Variants in ADAMTS12 observed in about 807,000 individuals in gnomAD.
ADAMTS12 encodes A disintegrin and metalloproteinase with thrombospondin motifs 12.
Under a neutral mutation model 167.8 loss-of-function variants are expected in ADAMTS12, and 118 were observed. That is an observed-to-expected ratio of 0.70 (90% CI 0.61 to 0.82). The LOEUF (loss-of-function observed/expected upper bound fraction) is 0.82. ADAMTS12 is among the 40% of genes least tolerant of loss of function. The pLI is 0.00. For synonymous variants in ADAMTS12, 704 were observed against 716.9 expected (o/e 0.98, Z 0.29); for missense variants, 1,916 against 1,998.8 (o/e 0.96, Z 0.79).
At chr5:33,853,638 T>C (rs113513745) in intron 2 of ADAMTS12, among the ~76,000 whole-genome samples, 1 of 152,292 alleles carries the variant, frequency 6.6e-6, no homozygotes, top group Admixed American at 6.5e-5. Context: ...CCCATCAACA[T>C]TGATTAGAGC....
chr5:33,541,422 C>T (rs464719), intron 22 of ADAMTS12, among the ~76,000 whole-genome samples: 62,390 of 151,966 alleles, frequency 0.41, 13,825 homozygotes, highest in East Asian at 0.76. Context: ...AAGATATTAT[C>T]CAGGAAAACT....
chr5:33,835,948 T>TCTCTCC (rs1748504211), intron 2 of ADAMTS12, among the ~76,000 whole-genome samples: 1 of 35,482 alleles, frequency 2.8e-5, no homozygotes, highest in African/African-American at 8.8e-5. Flanking sequence ...TCTCTCTCTC[T>TCTCTCC]CTCTCTGTGT....
intron 2 of ADAMTS12, among the ~76,000 whole-genome samples, chr5:33,795,377 C>T (rs1746735938): frequency 6.6e-6 from 1 of 152,094 alleles, no homozygotes; most frequent in African/African-American, 2.4e-5. Flanking sequence ...CACCAAATGC[C>T]CCACGATGTA....
intron 1 of ADAMTS12, among the ~76,000 whole-genome samples, chr5:33,887,722 G>A (rs990664592): frequency 2.0e-5 from 3 of 151,720 alleles, no homozygotes; most frequent in African/African-American, 7.3e-5. Flanking sequence ...CCTACTAGTT[G>A]TATACAGTTT....
At chr5:33,601,496 G>C (rs1738188293) in intron 16 of ADAMTS12, among the ~76,000 whole-genome samples, 1 of 152,080 alleles carries the variant, frequency 6.6e-6, no homozygotes, top group Non-Finnish European at 1.5e-5. Context: ...CACCTCATAA[G>C]ATCAGGGTTG....
At chr5:33,678,409 C>T (rs931508696) in intron 5 of ADAMTS12, among the ~76,000 whole-genome samples, 20 of 152,198 alleles carry the variant, frequency 1.3e-4, no homozygotes, top group African/African-American at 3.6e-4. Flanking sequence ...ATTGAGGAAA[C>T]GGTATCGATT....
chr5:33,601,713 T>C (rs191064168), intron 16 of ADAMTS12, among the ~76,000 whole-genome samples: 1 of 152,226 alleles, frequency 6.6e-6, no homozygotes, highest in Admixed American at 6.5e-5. Flanking sequence ...TAATAAGATA[T>C]TATTTTACTA....
chr5:33,688,547 C>G (rs1376426340), intron 3 of ADAMTS12, among the ~76,000 whole-genome samples: 2 of 152,176 alleles, frequency 1.3e-5, no homozygotes, highest in Admixed American at 1.3e-4. Flanking sequence ...AGGGATTTTG[C>G]AGATGGCAGA....
chr5:33,785,464 C>T (rs988707591), intron 2 of ADAMTS12, among the ~76,000 whole-genome samples: 10 of 151,856 alleles, frequency 6.6e-5, no homozygotes, highest in African/African-American at 2.2e-4. Context: ...TGTGTGTGTA[C>T]GTGTGTGTTT....
At chr5:33,880,638 G>A (rs777251120) in intron 2 of ADAMTS12, among the ~76,000 whole-genome samples, 2 of 152,362 alleles carry the variant, frequency 1.3e-5, no homozygotes, top group East Asian at 1.9e-4. Flanking sequence ...GAGGCACAAA[G>A]GGATCAACTG....
At chr5:33,574,363 A>T (rs1223088877) in intron 19 of ADAMTS12, among the ~76,000 whole-genome samples, 1 of 152,042 alleles carries the variant, frequency 6.6e-6, no homozygotes, top group Non-Finnish European at 1.5e-5. Context: ...TCCAACAATG[A>T]TAGATCGGAT....
At chr5:33,566,363 C>T (rs1561130127) in intron 19 of ADAMTS12, among the ~76,000 whole-genome samples, 1 of 152,152 alleles carries the variant, frequency 6.6e-6, no homozygotes, top group East Asian at 1.9e-4. Context: ...ACTCAGGAGA[C>T]TTAGGTGGGA....
At chr5:33,599,297 C>T (rs960642741) in intron 16 of ADAMTS12, among the ~76,000 whole-genome samples, 2 of 152,222 alleles carry the variant, frequency 1.3e-5, no homozygotes, top group Non-Finnish European at 2.9e-5. Flanking sequence ...TGTGAGCTTT[C>T]TTCTTTCCTC....
At chr5:33,764,136 C>T (rs1745450532) in intron 2 of ADAMTS12, among the ~76,000 whole-genome samples, 1 of 152,188 alleles carries the variant, frequency 6.6e-6, no homozygotes, top group African/African-American at 2.4e-5. Context: ...ACTGCCTCCT[C>T]AAACACGCTC....
At chr5:33,588,865 T>C in intron 17 of ADAMTS12, 56 bp from the exon 18 acceptor site, 1 of 1,589,148 alleles carries the variant, frequency 6.3e-7, no homozygotes, top group South Asian at 1.1e-5. Context: ...ATATGTTCCA[T>C]TCAACCACTG....
intron 1 of ADAMTS12, among the ~76,000 whole-genome samples, chr5:33,882,191 G>T (rs1403247018): frequency 1.3e-5 from 2 of 152,078 alleles, no homozygotes; most frequent in Admixed American, 6.6e-5. Context: ...GATAAAGTCA[G>T]ATTAGAGGGA....
chr5:33,757,674 G>T (rs1040037809), intron 2 of ADAMTS12, among the ~76,000 whole-genome samples: 4 of 152,166 alleles, frequency 2.6e-5, no homozygotes, highest in African/African-American at 9.7e-5. Context: ...GGTTCTAAAA[G>T]AATATAGGAT....
intron 2 of ADAMTS12, among the ~76,000 whole-genome samples, chr5:33,781,785 T>C (rs1269878076): frequency 6.6e-6 from 1 of 152,072 alleles, no homozygotes; most frequent in Non-Finnish European, 1.5e-5. Flanking sequence ...CATGCTGGTG[T>C]GCTGCACCCA....
chr5:33,541,775 C>T (rs1321234284), intron 22 of ADAMTS12, among the ~76,000 whole-genome samples: 1 of 152,192 alleles, frequency 6.6e-6, no homozygotes, highest in Non-Finnish European at 1.5e-5. Flanking sequence ...CATTTACAGA[C>T]AAGCAAATGC....
Sources: gnomAD v4.1 joint callset for allele counts (sites outside exome capture counted in the v4.1 genomes callset) on GRCh38, gnomAD v4.1.1 for gene constraint, MANE v1.5 for transcripts, NCBI Gene and HGNC (gene_info 2026-07-23, HGNC 2026-07-21) for gene names.